The following RANBP9 variants were observed in gnomAD, a reference collection of about 807,000 sequenced individuals.
RANBP9 encodes ran-binding protein 9.
Under a neutral mutation model 84.3 loss-of-function variants are expected in RANBP9, and 15 were observed. The observed-to-expected ratio is 0.18, with a 90% CI of 0.12 to 0.27. The LOEUF is 0.27. Ranked by LOEUF, RANBP9 falls within the 10% of genes least tolerant of loss-of-function variation. The pLI, the probability that RANBP9 is intolerant of heterozygous loss-of-function variation, is 1.00. For synonymous variants in RANBP9, 392 were observed against 349.6 expected, an observed-to-expected ratio of 1.12 and a Z score of -1.35; for missense variants, 809 against 912.8, an observed-to-expected ratio of 0.89 and a Z score of 1.46.
At chr6:13,634,840 T>A (rs534077530) in intron 10 of RANBP9, among the ~76,000 whole-genome samples, 1 of 152,210 alleles carries the variant, frequency 6.6e-6, no homozygotes, top group South Asian at 2.1e-4. Context: ...TTCCACACAA[T>A]CCTATTATTT....
At chr6:13,684,463 A>G (rs1165035548) in intron 2 of RANBP9, among the ~76,000 whole-genome samples, 1 of 152,222 alleles carries the variant, frequency 6.6e-6, no homozygotes, top group Non-Finnish European at 1.5e-5. Flanking sequence ...CTCAATTACT[A>G]CAATTGTTCT....
At chr6:13,710,914 C>A in intron 1 of RANBP9, 21 bp downstream of exon 1, 1 of 1,584,432 alleles carries the variant, frequency 6.3e-7, no homozygotes, top group Non-Finnish European at 8.6e-7. Flanking sequence ...CCACTCCCAC[C>A]GCAGGACACA....
intron 2 of RANBP9, among the ~76,000 whole-genome samples, chr6:13,672,562 C>G (rs966192794): frequency 1.3e-5 from 2 of 151,998 alleles, no homozygotes; most frequent in African/African-American, 4.8e-5. Context: ...GCCAGATAAA[C>G]CTAAAATCTC....
chr6:13,681,979 C>T (rs1375381956), intron 2 of RANBP9, among the ~76,000 whole-genome samples: 1 of 152,076 alleles, frequency 6.6e-6, no homozygotes, highest in Non-Finnish European at 1.5e-5. Context: ...CTGCCTCAGC[C>T]TCCTGAGTAG....
chr6:13,657,105 G>T lies in RANBP9; in HGVS notation c.904+4C>A. ...ATTTTGCATGCAATATATTATCTCA[G>T]TACCTAAACTATGTCCATTCTTGGT... On this transcript the variant is annotated splice_donor_region_variant and intron_variant, in intron 4 of 13. Coordinates refer to ENST00000011619, the MANE Select transcript of RANBP9 (RefSeq NM_005493.3). 1 of 1,602,088 alleles carries T rather than the reference G, an allele frequency of 6.2e-7. No individual in the cohort carries two copies. Among genetic ancestry groups the T allele is most frequent in the Non-Finnish European group, 8.5e-7 (1 of 1,172,868 alleles).
chr6:13,661,610 T>C (rs1232558282), intron 2 of RANBP9, among the ~76,000 whole-genome samples: 1 of 152,026 alleles, frequency 6.6e-6, no homozygotes, highest in Non-Finnish European at 1.5e-5. Flanking sequence ...ATAAGTATAT[T>C]TAGGAATATA....
At chr6:13,628,676 C>G (rs577764779) in intron 12 of RANBP9, among the ~76,000 whole-genome samples, 68 of 152,276 alleles carry the variant, frequency 4.5e-4, no homozygotes, top group African/African-American at 1.6e-3. Context: ...ACATCTAGGA[C>G]TTGATTCTTT....
At position 13,657,209 on chromosome 6, in the gene RANBP9, T is replaced by C; in HGVS notation, c.804A>G (p.Gly268=). The C allele has an allele frequency of 6.2e-7, 1 of 1,613,430 alleles. No individual in the cohort carries two copies. Among genetic ancestry groups the C allele is most frequent in the Non-Finnish European group, 8.5e-7 (1 of 1,179,552 alleles). Residue 268 remains glycine, a synonymous_variant, in exon 4 of 14, where the codon GGA becomes GGG. Coordinates refer to ENST00000011619, the MANE Select transcript of RANBP9 (RefSeq NM_005493.3). ...DGHSFCSSGT[G]QPYGPTFTTG... ...TAGTGAAAGTTGGTCCATAAGGTTG[T>C]CCAGTTCCAGAAGAACAAAACGAAT... is the stretch of plus-strand genomic sequence containing the variant.
At position 13,622,243 on chromosome 6, in the gene RANBP9, C is replaced by T. The variant is rs1036227158; in HGVS notation, c.*119G>A. 1.6e-5 allele frequency: 17 copies of T among 1,073,634 alleles called. No individual in the cohort carries two copies. Among genetic ancestry groups the T allele is most frequent in the Admixed American group, 1.3e-4 (4 of 30,302 alleles). 66.5% of individuals were successfully genotyped at this position (1,073,634 alleles called of 1,614,324 possible). A position where few individuals can be genotyped will look rare whatever the true frequency, so the allele number is the denominator to read the frequency against. Reference sequence around the variant, plus strand: ...CTGTAAACTAGGAAGCAATGTAAAGCGACAAAAACCTGTCCCCAGTACATA... The same window carrying T: ...CTGTAAACTAGGAAGCAATGTAAAGTGACAAAAACCTGTCCCCAGTACATA... On this transcript the variant is annotated 3_prime_UTR_variant, in exon 14 of 14. Transcript: ENST00000011619.
chr6:13,711,445 G>C lies in RANBP9; in HGVS notation c.61C>G (p.Pro21Ala). ...GGGGCCAAGGCCGCCGGCGGTGGCG[G>C]CGACAGCTGCTGCTGCTGTTGCTGC... ...QQQQQQQQLS[P>A]PPPAALAPVS... is the part of the protein sequence containing the mutation. Residue 21 changes from proline (P) to alanine (A), a missense_variant, in exon 1 of 14, where the codon CCG becomes GCG. Around this residue, in one of 5 missense-constraint regions of RANBP9, gnomAD observed 302 missense variants for 240.1 expected, o/e 1.26. Coordinates refer to ENST00000011619, the MANE Select transcript of RANBP9 (RefSeq NM_005493.3). 1 of 1,208,876 alleles carries C rather than the reference G, an allele frequency of 8.3e-7. No individual in the cohort carries two copies. The highest frequency in any genetic ancestry group is 1.0e-6 in the Non-Finnish European group (1 of 972,258). The allele number at this position is 1,208,876 out of a possible 1,614,324, so 74.9% of individuals were successfully genotyped here. A position where few individuals can be genotyped will look rare whatever the true frequency, so the allele number is the denominator to read the frequency against.
chr6:13,626,904 A>T (rs1386665325), intron 12 of RANBP9, among the ~76,000 whole-genome samples: 1 of 152,190 alleles, frequency 6.6e-6, no homozygotes, highest in Non-Finnish European at 1.5e-5. Context: ...TTTCTCATCC[A>T]AATAAGCCTC....
intron 2 of RANBP9, among the ~76,000 whole-genome samples, chr6:13,671,704 G>T (rs1765782288): frequency 6.6e-6 from 1 of 152,044 alleles, no homozygotes. Flanking sequence ...AGTAAGGGTT[G>T]CATAACTCTG....
chr6:13,688,860 G>T (rs540574933), intron 2 of RANBP9, among the ~76,000 whole-genome samples: 1 of 151,380 alleles, frequency 6.6e-6, no homozygotes, highest in Admixed American at 6.6e-5. Flanking sequence ...TACTCAAAAA[G>T]ATTGAAGGCA....
intron 9 of RANBP9, among the ~76,000 whole-genome samples, chr6:13,638,171 C>T (rs150272581): frequency 4.3e-4 from 66 of 152,256 alleles, no homozygotes; most frequent in African/African-American, 1.4e-3. Flanking sequence ...GGCTTAATTA[C>T]ACATCTCATT....
At chr6:13,705,359 G>T (rs1758077753) in intron 1 of RANBP9, among the ~76,000 whole-genome samples, 1 of 124,200 alleles carries the variant, frequency 8.1e-6, no homozygotes, top group South Asian at 2.7e-4. Flanking sequence ...AGCTGACAAA[G>T]TGCCACCACT....
rs146979406 is a variant in RANBP9, at chr6:13,700,928, C to T, written c.572-4032G>A. On this transcript the variant is annotated intron_variant, in intron 1 of 13. Transcript: ENST00000011619. ...TTTGCATAAGTCCTGTTACTTTTAG[C>T]GCATTGATTTTGTGGAAAACATGGT... Among the ~76,000 whole-genome samples, 408 of 152,238 alleles carry T rather than the reference C, an allele frequency of 2.7e-3. 2 individuals are homozygous for T. Among genetic ancestry groups the T allele is most frequent in the African/African-American group, 9.5e-3 (396 of 41,544 alleles).
At chr6:13,705,576 T>C (rs892073159) in intron 1 of RANBP9, among the ~76,000 whole-genome samples, 1 of 151,580 alleles carries the variant, frequency 6.6e-6, no homozygotes, top group Non-Finnish European at 1.5e-5. Flanking sequence ...AAGGAACATT[T>C]TTAGGCCGGG....
intron 2 of RANBP9, among the ~76,000 whole-genome samples, chr6:13,673,488 C>T (rs995112864): frequency 8.5e-5 from 13 of 152,206 alleles, no homozygotes; most frequent in African/African-American, 3.1e-4. Flanking sequence ...AATGAAGATA[C>T]ACTCTTTTAT....
rs1042037186 is a variant in RANBP9 at position 13,658,844 on chromosome 6, G to A, written c.684-12C>T. On this transcript the variant is annotated splice_polypyrimidine_tract_variant and intron_variant, in intron 2 of 13. Coordinates refer to ENST00000011619, the MANE Select transcript of RANBP9 (RefSeq NM_005493.3). ...CAATTCCCATGTAACTGTTGGCGGAGGTTGGGGGAGAGAAGAAAAGGACAT... is the reference window on the plus strand; with the variant it reads ...CAATTCCCATGTAACTGTTGGCGGAAGTTGGGGGAGAGAAGAAAAGGACAT... The A allele has an allele frequency of 8.3e-6, 13 of 1,560,632 alleles. No individual in the cohort carries two copies. Among genetic ancestry groups the A allele is most frequent in the Middle Eastern group, 3.4e-4 (2 of 5,962 alleles).
Sources: gnomAD v4.1 joint callset for allele counts (sites outside exome capture counted in the v4.1 genomes callset) on GRCh38, gnomAD v4.1.1 for gene constraint, gnomAD v4.1.1 regional missense constraint, MANE v1.5 for transcripts, NCBI Gene and HGNC (gene_info 2026-07-23, HGNC 2026-07-21) for gene names.